The following DPYD variants were observed in gnomAD, a reference collection of about 807,000 sequenced individuals.
DPYD encodes the protein dihydropyrimidine dehydrogenase [NADP(+)].
A neutral mutation model predicts 116.2 loss-of-function variants in DPYD; 109 were observed. The observed-to-expected ratio is 0.94, with a 90% CI of 0.80 to 1.10. The LOEUF (loss-of-function observed/expected upper bound fraction) is 1.10. Ranked by LOEUF, DPYD falls within the 50% of genes least tolerant of loss-of-function variation. The probability of loss-of-function intolerance (pLI) is 0.00; values close to 1 mark genes in which losing one functional copy is unlikely to be tolerated. For synonymous variants in DPYD, 440 were observed against 432.0 expected (o/e 1.02, Z -0.23); for missense variants, 1,302 against 1,254.5 (o/e 1.04, Z -0.57).
chr1:97,295,708 T>C (rs980089825), intron 18 of DPYD: 1 of 952,058 alleles, frequency 1.1e-6, no homozygotes, highest in Non-Finnish European at 1.3e-6. Context: ...TGGGATTCCA[T>C]GTGTGAGCCA....
At chr1:97,613,214 T>C (rs1025182069) in intron 8 of DPYD, among the ~76,000 whole-genome samples, 1 of 152,036 alleles carries the variant, frequency 6.6e-6, no homozygotes, top group Non-Finnish European at 1.5e-5. Context: ...GTTTAAATCA[T>C]ATACTAATTG....
intron 18 of DPYD, among the ~76,000 whole-genome samples, chr1:97,248,502 T>G (rs926418174): frequency 2.0e-5 from 3 of 152,222 alleles, no homozygotes; most frequent in Admixed American, 2.0e-4. Flanking sequence ...CCCAGTCTGA[T>G]GTATGTCTTT....
Position 97,332,986 on chromosome 1 carries a change from T to A in DPYD, c.2059-26689A>T, listed in dbSNP as rs138238341. Among the ~76,000 whole-genome samples the A allele has an allele frequency of 3.9e-4, 60 of 152,112 alleles. 1 individual carries two copies. The East Asian group carries it at 6.2e-3, about 16-fold the overall frequency. Reference sequence around the variant, plus strand: ...CTAGCCCCTACACTGTAGTCTCAACTCTTTTTTTAACTTAGTAGTTTAATT... The same window carrying A: ...CTAGCCCCTACACTGTAGTCTCAACACTTTTTTTAACTTAGTAGTTTAATT... On this transcript the variant is annotated intron_variant, in intron 16 of 22. Transcript: ENST00000370192.
At chr1:97,515,986 T>C (rs1271029548) in intron 12 of DPYD, 45 bp from the exon 13 acceptor site, 12 of 1,548,902 alleles carry the variant, frequency 7.7e-6, no homozygotes, top group Non-Finnish European at 1.1e-5. Context: ...ACATCTAAAT[T>C]GTCCATATAA....
At chr1:97,203,054 C>G (rs145142375) in intron 19 of DPYD, among the ~76,000 whole-genome samples, 1 of 152,274 alleles carries the variant, frequency 6.6e-6, no homozygotes, top group Non-Finnish European at 1.5e-5. Flanking sequence ...TGGTTAGGAA[C>G]TGTGGCTGCA....
chr1:97,673,770 A>T (rs1659998187), intron 8 of DPYD, among the ~76,000 whole-genome samples: 1 of 152,162 alleles, frequency 6.6e-6, no homozygotes, highest in Non-Finnish European at 1.5e-5. Flanking sequence ...AGGCTAAAGT[A>T]TGAAGGTAGG....
At chr1:97,492,887 A>G (rs1195383614) in intron 13 of DPYD, among the ~76,000 whole-genome samples, 2 of 152,292 alleles carry the variant, frequency 1.3e-5, no homozygotes, top group East Asian at 1.9e-4. Context: ...TAAAAAATCA[A>G]TAATTTAAAC....
chr1:97,801,735 G>A lies in DPYD; in HGVS notation c.233+26379C>T, dbSNP rs373768040. ...GAAAGGCCCATTATTTTTCTCTCTC[G>A]TGTTTCTTTTTTCCTGTATTCTGTG... On this transcript the variant is annotated intron_variant, in intron 3 of 22. Transcript: ENST00000370192. 2.3e-4 allele frequency among the ~76,000 whole-genome samples: 35 copies of A among 151,860 alleles called. No individual in the cohort carries two copies. In the East Asian group the frequency reaches 2.9e-3, roughly 13 times the overall value.
chr1:97,637,989 C>A (rs1382507728), intron 8 of DPYD, among the ~76,000 whole-genome samples: 1 of 151,992 alleles, frequency 6.6e-6, no homozygotes, highest in South Asian at 2.1e-4. Flanking sequence ...GCCTGATGAG[C>A]CCTTGGTGTT....
intron 11 of DPYD, among the ~76,000 whole-genome samples, chr1:97,561,647 A>G (rs1172601983): frequency 6.6e-6 from 1 of 152,166 alleles, no homozygotes; most frequent in Non-Finnish European, 1.5e-5. Flanking sequence ...TTCCAGTACC[A>G]CAATTCTGGA....
At chr1:97,448,189 C>T (rs777781175) in intron 14 of DPYD, among the ~76,000 whole-genome samples, 3 of 152,104 alleles carry the variant, frequency 2.0e-5, no homozygotes, top group Non-Finnish European at 2.9e-5. Context: ...TGTACTCTGG[C>T]CTGGGCGGGG....
At chr1:97,903,403 G>GT (rs981540320) in intron 1 of DPYD, among the ~76,000 whole-genome samples, 16 of 151,812 alleles carry the variant, frequency 1.1e-4, no homozygotes, top group African/African-American at 3.9e-4. Context: ...TTTTAGAAAC[G>GT]TATGTAAATG....
chr1:97,791,548 C>T (rs1667320862), intron 3 of DPYD, among the ~76,000 whole-genome samples: 1 of 152,214 alleles, frequency 6.6e-6, no homozygotes, highest in Admixed American at 6.5e-5. Flanking sequence ...TTTGGTAACA[C>T]AGAATGTCTC....
intron 10 of DPYD, among the ~76,000 whole-genome samples, chr1:97,592,108 T>C (rs1401050675): frequency 6.6e-6 from 1 of 152,200 alleles, no homozygotes; most frequent in African/African-American, 2.4e-5. Flanking sequence ...GCTATAATTC[T>C]TGCCTAGTAT....
intron 18 of DPYD, among the ~76,000 whole-genome samples, chr1:97,298,365 G>C (rs921907549): frequency 6.6e-6 from 1 of 152,084 alleles, no homozygotes; most frequent in Non-Finnish European, 1.5e-5. Context: ...AGTTTCTGAT[G>C]CATGCTAAAG....
intron 12 of DPYD, among the ~76,000 whole-genome samples, chr1:97,526,090 T>C (rs1649068094): frequency 6.6e-6 from 1 of 151,826 alleles, no homozygotes; most frequent in Admixed American, 6.6e-5. Flanking sequence ...TTGCCTAAAA[T>C]AGAGCATTTT....
At chr1:97,356,286 C>A (rs986097716) in intron 16 of DPYD, among the ~76,000 whole-genome samples, 7 of 152,210 alleles carry the variant, frequency 4.6e-5, no homozygotes, top group Admixed American at 4.6e-4. Context: ...TATTTCTTTT[C>A]TTTCCAAAGA....
chr1:97,881,751 T>C (rs527553817), intron 2 of DPYD, among the ~76,000 whole-genome samples: 1 of 152,096 alleles, frequency 6.6e-6, no homozygotes, highest in South Asian at 2.1e-4. Context: ...GGAAGTCACA[T>C]AGTGTCTCTT....
intron 18 of DPYD, among the ~76,000 whole-genome samples, chr1:97,303,637 G>A (rs1666987503): frequency 6.6e-6 from 1 of 151,942 alleles, no homozygotes; most frequent in African/African-American, 2.4e-5. Context: ...TACTTTAAAG[G>A]AGGAAAACTA....
Sources: allele counts gnomAD v4.1 joint callset (sites outside exome capture counted in the v4.1 genomes callset), GRCh38; gene constraint gnomAD v4.1.1; transcripts MANE v1.5; gene names NCBI Gene and HGNC (gene_info 2026-07-23, HGNC 2026-07-21).